Variants in SLC35D2 observed in about 807,000 individuals in gnomAD.
SLC35D2 encodes solute carrier family 35 member D2.
A neutral mutation model predicts 41.8 loss-of-function variants in SLC35D2; 43 were observed. The observed-to-expected ratio is 1.03, with a 90% CI of 0.81 to 1.33. The LOEUF (loss-of-function observed/expected upper bound fraction) is 1.33. SLC35D2 is among the 40% of genes most tolerant of loss of function. The probability of loss-of-function intolerance (pLI) is 0.00; values close to 1 mark genes in which losing one functional copy is unlikely to be tolerated. For synonymous variants in SLC35D2, 150 were observed against 163.9 expected, an observed-to-expected ratio of 0.92 and a Z score of 0.65; for missense variants, 380 against 408.4, an observed-to-expected ratio of 0.93 and a Z score of 0.60.
intron 1 of SLC35D2, among the ~76,000 whole-genome samples, chr9:96,380,463 C>CTT (rs199972344): frequency 1.4e-5 from 2 of 143,306 alleles, no homozygotes; most frequent in East Asian, 2.0e-4. Context: ...GGTATTTTTT[C>CTT]TTTTTTTTTT....
At chr9:96,322,576 T>C (rs1433486669) in intron 10 of SLC35D2, among the ~76,000 whole-genome samples, 2 of 152,066 alleles carry the variant, frequency 1.3e-5, no homozygotes, top group Non-Finnish European at 2.9e-5. Flanking sequence ...TGCAGTAAAT[T>C]ATGGTATGAT....
At chr9:96,372,882 G>A (rs534577774) in intron 1 of SLC35D2, among the ~76,000 whole-genome samples, 3 of 150,440 alleles carry the variant, frequency 2.0e-5, no homozygotes, top group East Asian at 2.0e-4. Flanking sequence ...AACCATGCCC[G>A]GGTTTTTTGT....
chr9:96,333,140 G>GC (rs1481213439), intron 9 of SLC35D2, among the ~76,000 whole-genome samples: 1 of 150,880 alleles, frequency 6.6e-6, no homozygotes, highest in Non-Finnish European at 1.5e-5. Context: ...CTCATGATCT[G>GC]CCCACCTCAG....
chr9:96,376,449 AT>A (rs1830964359), intron 1 of SLC35D2, among the ~76,000 whole-genome samples: 1 of 151,746 alleles, frequency 6.6e-6, no homozygotes, highest in South Asian at 2.1e-4. Flanking sequence ...TACTAAAAAA[AT>A]ATATAAAAAT....
intron 6 of SLC35D2, among the ~76,000 whole-genome samples, chr9:96,350,346 C>CTTTT (rs1564107383): frequency 7.7e-6 from 1 of 130,534 alleles, no homozygotes; most frequent in African/African-American, 3.3e-5. Flanking sequence ...AATTTTCTTT[C>CTTTT]CTTTTTTTTT....
intron 1 of SLC35D2, among the ~76,000 whole-genome samples, chr9:96,372,627 C>A (rs1249601800): frequency 4.4e-5 from 6 of 136,742 alleles, no homozygotes; most frequent in African/African-American, 1.8e-4. Flanking sequence ...CTCTGTTGCC[C>A]AGGCTGGAGT....
In SLC35D2 at chr9:96,326,707, G is replaced by A. The variant is rs1394538929; in HGVS notation, c.753-2538C>T. Among the ~76,000 whole-genome samples the A allele has an allele frequency of 4.0e-5, 6 of 151,852 alleles. No homozygotes were observed. The East Asian group carries it at 1.2e-3, about 29-fold the overall frequency. ...GTAATCCCAGCTACTCGGAGGCGCTGAGGCAGGAGAATTGCTTGAGCCTGA... is the reference window on the plus strand; with the variant it reads ...GTAATCCCAGCTACTCGGAGGCGCTAAGGCAGGAGAATTGCTTGAGCCTGA... On this transcript the variant is annotated intron_variant, in intron 9 of 11. Coordinates refer to ENST00000253270, the MANE Select transcript of SLC35D2 (RefSeq NM_007001.3).
chr9:96,320,342 C>A (rs982821758), downstream of SLC35D2, among the ~76,000 whole-genome samples: 3 of 152,138 alleles, frequency 2.0e-5, no homozygotes, highest in Non-Finnish European at 2.9e-5. Flanking sequence ...GAGGCCAAAC[C>A]TTGTCTCTAC....
intron 1 of SLC35D2, among the ~76,000 whole-genome samples, chr9:96,380,421 AAAC>A (rs1831147722): frequency 6.6e-6 from 1 of 151,886 alleles, no homozygotes. Context: ...GGCCACTCCC[AAAC>A]AAGCCCATCA....
downstream of SLC35D2, among the ~76,000 whole-genome samples, chr9:96,316,584 A>G (rs1828058194): frequency 6.6e-6 from 1 of 152,082 alleles, no homozygotes; most frequent in Admixed American, 6.5e-5. Context: ...GTTCTGATTC[A>G]GTGAATGTTC....
At position 96,321,139 on chromosome 9, in the gene SLC35D2, G is replaced by T. The variant is rs547547286; in HGVS notation, c.*103C>A. 12 of 803,454 alleles carry T rather than the reference G, an allele frequency of 1.5e-5. No individual in the cohort carries two copies. The highest frequency in any genetic ancestry group is 2.6e-4 in the Middle Eastern group (1 of 3,780). 49.8% of individuals were successfully genotyped at this position (803,454 alleles called of 1,614,324 possible). On this transcript the variant is annotated 3_prime_UTR_variant, in exon 12 of 12. Coordinates refer to ENST00000253270, the MANE Select transcript of SLC35D2 (RefSeq NM_007001.3). ...TTTGCAGATGCTCTCACTTGCCCAG[G>T]GGGTGGATGTCACGAATCCGAAACC... is the stretch of plus-strand genomic sequence containing the variant.
At chr9:96,348,798 T>C (rs1298674936) in intron 6 of SLC35D2, among the ~76,000 whole-genome samples, 1 of 152,206 alleles carries the variant, frequency 6.6e-6, no homozygotes, top group African/African-American at 2.4e-5. Flanking sequence ...TTAGATTGTT[T>C]GTAGACTGTC....
At chr9:96,313,904 G>A (rs1827992663) in exon 12 of SLC35D2, 1 of 152,324 alleles carries the variant, frequency 6.6e-6, no homozygotes, top group Admixed American at 6.5e-5. Flanking sequence ...ACTTGAGGTA[G>A]AGCCTGCATC....
intron 1 of SLC35D2, among the ~76,000 whole-genome samples, chr9:96,375,070 C>A (rs1468923875): frequency 1.3e-5 from 2 of 148,432 alleles, no homozygotes; most frequent in Non-Finnish European, 3.0e-5. Context: ...CAGCTCACTG[C>A]AACCTCTGCC....
At chr9:96,342,240 A>G (rs1829361064) in intron 8 of SLC35D2, among the ~76,000 whole-genome samples, 1 of 152,006 alleles carries the variant, frequency 6.6e-6, no homozygotes, top group African/African-American at 2.4e-5. Flanking sequence ...CCTCCTGAGA[A>G]GCTGGGATTA....
intron 2 of SLC35D2, among the ~76,000 whole-genome samples, chr9:96,366,728 G>A (rs1394113769): frequency 7.3e-5 from 11 of 149,842 alleles, no homozygotes; most frequent in South Asian, 2.1e-4. Context: ...CACCCACCTC[G>A]GCCTCCCAAA....
chr9:96,339,698 A>C (rs2130892298), intron 8 of SLC35D2, among the ~76,000 whole-genome samples: 1 of 152,322 alleles, frequency 6.6e-6, no homozygotes, highest in East Asian at 1.9e-4. Flanking sequence ...TACTAGATGT[A>C]CTTTGAACCT....
intron 7 of SLC35D2, among the ~76,000 whole-genome samples, chr9:96,344,774 A>G (rs1829504877): frequency 6.6e-6 from 1 of 151,650 alleles, no homozygotes; most frequent in African/African-American, 2.4e-5. Flanking sequence ...GCAGCCACAC[A>G]AAAGCAAAGC....
intron 9 of SLC35D2, among the ~76,000 whole-genome samples, chr9:96,328,188 T>A (rs550215884): frequency 5.2e-4 from 79 of 152,270 alleles, no homozygotes; most frequent in Non-Finnish European, 8.5e-4. Flanking sequence ...TGTAGATTAA[T>A]AAAATACAAA....
Sources: allele counts gnomAD v4.1 joint callset (sites outside exome capture counted in the v4.1 genomes callset), GRCh38; gene constraint gnomAD v4.1.1; transcripts MANE v1.5; gene names NCBI Gene and HGNC (gene_info 2026-07-23, HGNC 2026-07-21).